The following FOXN2 variants were observed in gnomAD, a reference collection of about 807,000 sequenced individuals.
FOXN2 encodes forkhead box N2.
Under a neutral mutation model 41.2 loss-of-function variants are expected in FOXN2, and 19 were observed. The ratio of observed to expected loss-of-function variants is 0.46; its 90% CI spans 0.32 to 0.68. FOXN2 has a LOEUF of 0.68. Ranked by LOEUF, FOXN2 falls within the 30% of genes least tolerant of loss-of-function variation. The pLI, the probability that FOXN2 is intolerant of heterozygous loss-of-function variation, is 0.03. For synonymous variants in FOXN2, 195 were observed against 176.8 expected, an observed-to-expected ratio of 1.10 and a Z score of -0.82; for missense variants, 587 against 509.4, an observed-to-expected ratio of 1.15 and a Z score of -1.47.
chr2:48,352,064 G>GT (rs1191247188), intron 3 of FOXN2, among the ~76,000 whole-genome samples: 1 of 152,122 alleles, frequency 6.6e-6, no homozygotes, highest in African/African-American at 2.4e-5. Flanking sequence ...GGCTTCAGTT[G>GT]TTTGGACTTC....
At chr2:48,314,237 C>A (rs1400216270), upstream of FOXN2, among the ~76,000 whole-genome samples, 1 of 152,260 alleles carries the variant, frequency 6.6e-6, no homozygotes, top group Non-Finnish European at 1.5e-5. Flanking sequence ...TACTGCCCTG[C>A]GGCAGCCTAG....
At chr2:48,338,547 G>A (rs968196572) in intron 2 of FOXN2, among the ~76,000 whole-genome samples, 3 of 151,902 alleles carry the variant, frequency 2.0e-5, no homozygotes, top group Admixed American at 6.6e-5. Context: ...GACCACAGCC[G>A]CTCGCCACCA....
chr2:48,363,397 A>G (rs906106328), intron 5 of FOXN2, among the ~76,000 whole-genome samples: 2 of 152,170 alleles, frequency 1.3e-5, no homozygotes, highest in Admixed American at 6.5e-5. Context: ...TTTATAAAGT[A>G]AAAGTTTACA....
chr2:48,348,561 A>C (rs1671257562), intron 3 of FOXN2, among the ~76,000 whole-genome samples: 1 of 152,230 alleles, frequency 6.6e-6, no homozygotes, highest in South Asian at 2.1e-4. Flanking sequence ...CAGACATTGC[A>C]AAAGAATGGC....
intron 2 of FOXN2, among the ~76,000 whole-genome samples, chr2:48,329,580 A>G (rs749665702): frequency 6.6e-6 from 1 of 152,122 alleles, no homozygotes; most frequent in Non-Finnish European, 1.5e-5. Context: ...ATGCTGTGTC[A>G]CCTAAATCTG....
chr2:48,368,559 G>A (rs1430920872), intron 5 of FOXN2, among the ~76,000 whole-genome samples: 1 of 152,138 alleles, frequency 6.6e-6, no homozygotes, highest in Non-Finnish European at 1.5e-5. Context: ...GGGCGTGGTG[G>A]TACACACCTG....
intron 3 of FOXN2, among the ~76,000 whole-genome samples, chr2:48,355,189 G>T (rs568437311): frequency 1.3e-5 from 2 of 152,264 alleles, no homozygotes; most frequent in East Asian, 3.9e-4. Context: ...ACTCAAAAGG[G>T]AGTTGGTCAC....
intron 5 of FOXN2, among the ~76,000 whole-genome samples, chr2:48,372,809 A>G (rs1672995109): frequency 1.3e-5 from 2 of 152,086 alleles, no homozygotes; most frequent in South Asian, 2.1e-4. Context: ...ATAGGTTTAC[A>G]TGACCTAGAC....
Position 48,346,275 on chromosome 2 carries a change from A to T in FOXN2, c.61A>T (p.Ile21Phe), listed in dbSNP as rs999038279. 13 of 1,614,044 alleles carry T rather than the reference A, an allele frequency of 8.1e-6. No homozygotes were observed. The highest frequency in any genetic ancestry group is 1.3e-5 in the African/African-American group (1 of 74,922). ...AGCTGAAACCCCAGGAGCTGAAAAG[A>T]TTGCAGGATTAAGCCAGATTTACAA... ...KRAETPGAEK[I>F]AGLSQIYKMG... Residue 21 changes from isoleucine (I) to phenylalanine (F), a missense_variant, in exon 3 of 7, where the codon ATT (isoleucine) becomes TTT (phenylalanine). Ile to Phe is a conservative substitution (Grantham distance 21). Transcript: ENST00000340553.
At chr2:48,351,763 G>C (rs1671465035) in intron 3 of FOXN2, among the ~76,000 whole-genome samples, 1 of 152,126 alleles carries the variant, frequency 6.6e-6, no homozygotes, top group African/African-American at 2.4e-5. Context: ...TCTGTGACCT[G>C]TTTCCTAAGA....
rs1047807071 is a variant in FOXN2 at position 48,376,094 on chromosome 2, A to G, written c.*651A>G. 2 of 152,136 alleles carry G rather than the reference A, an allele frequency of 1.3e-5. No homozygotes were observed. Among genetic ancestry groups the G allele is most frequent in the African/African-American group, 4.8e-5 (2 of 41,432 alleles). 9.4% of individuals were successfully genotyped at this position (152,136 alleles called of 1,614,324 possible). A position where few individuals can be genotyped will look rare whatever the true frequency, so the allele number is the denominator to read the frequency against. On this transcript the variant is annotated 3_prime_UTR_variant, in exon 7 of 7. Coordinates refer to ENST00000340553, the MANE Select transcript of FOXN2 (RefSeq NM_002158.4). Reference sequence around the variant, plus strand: ...TTGTGGTGTCATTTCATCCAAGAACACTCCCAATTCCTATTAGAATGGTAG... The same window carrying G: ...TTGTGGTGTCATTTCATCCAAGAACGCTCCCAATTCCTATTAGAATGGTAG...
At chr2:48,321,261 C>CACAGTG (rs1669296410) in intron 1 of FOXN2, among the ~76,000 whole-genome samples, 1 of 152,050 alleles carries the variant, frequency 6.6e-6, no homozygotes, top group African/African-American at 2.4e-5. Flanking sequence ...CTAGGCTGGG[C>CACAGTG]ACAGTGGCTC....
chr2:48,359,686 T>A (rs911882122), intron 4 of FOXN2, among the ~76,000 whole-genome samples: 1 of 152,136 alleles, frequency 6.6e-6, no homozygotes, highest in Admixed American at 6.5e-5. Context: ...TGGTCTAATT[T>A]GTGTTTCTAG....
At chr2:48,325,100 TTTTG>T (rs903677280) in intron 1 of FOXN2, among the ~76,000 whole-genome samples, 4 of 152,166 alleles carry the variant, frequency 2.6e-5, no homozygotes, top group African/African-American at 4.8e-5. Context: ...AGTTATTGAT[TTTTG>T]TTTGTTTGTT....
rs776081034 is a variant in FOXN2, at chr2:48,373,318, A to G, written c.730A>G (p.Met244Val). The G allele has an allele frequency of 4.4e-6, 7 of 1,593,076 alleles. No homozygotes were observed. Among genetic ancestry groups the G allele is most frequent in the Non-Finnish European group, 3.4e-6 (4 of 1,170,834 alleles). The stretch of plus-strand genomic sequence containing the variant: ...ATCTGATATTGATGCTGCTGCTGCA[A>G]TGATGCTTTTAAATACTTCTATAGA... Reference protein sequence around the residue: ...KESDIDAAAAMMLLNTSIEQG... With the variant: ...KESDIDAAAAVMLLNTSIEQG... The change falls in exon 6 of 7, where the codon ATG becomes GTG. Residue 244 changes from methionine (M) to valine (V), a missense_variant. By Grantham distance (21) the Met-to-Val change is conservative (BLOSUM62 1). Transcript: ENST00000340553.
At position 48,375,156 on chromosome 2, in the gene FOXN2, A is replaced by G. The variant is rs1280104847; in HGVS notation, c.1009A>G (p.Ser337Gly). 1 of 1,614,058 alleles carries G rather than the reference A, an allele frequency of 6.2e-7. No homozygotes were observed. Among genetic ancestry groups the G allele is most frequent in the Admixed American group, 1.7e-5 (1 of 59,990 alleles). The change falls in exon 7 of 7, where the codon AGT becomes GGT. Residue 337 changes from serine (S) to glycine (G), a missense_variant. Coordinates refer to ENST00000340553, the MANE Select transcript of FOXN2 (RefSeq NM_002158.4). ...GGTATATGAATTTATCCCAAAGAAT[A>G]GTCACGTGGGAAGTGATGGCAGTGA... ...DEVYEFIPKN[S>G]HVGSDGSEGF... is the part of the protein sequence containing the mutation.
chr2:48,325,844 C>CT (rs959535701), intron 1 of FOXN2, among the ~76,000 whole-genome samples: 19,640 of 102,920 alleles, frequency 0.19, 2,112 homozygotes, highest in Non-Finnish European at 0.24. Context: ...CTCAAGATTT[C>CT]TTTTTTTTTT....
rs777863473 is a variant in FOXN2 at position 48,359,173 on chromosome 2, G to A, written c.638+26G>A. 6 of 1,534,056 alleles carry A rather than the reference G, an allele frequency of 3.9e-6. 1 individual carries two copies. In the South Asian group the frequency reaches 4.5e-5, roughly 11 times the overall value. On this transcript the variant is annotated intron_variant, in intron 4 of 6. Coordinates refer to ENST00000340553, the MANE Select transcript of FOXN2 (RefSeq NM_002158.4). ...GTAAGGATCTTCCATATAACTGTCAGTGGTGATTTATAGGATTTCACTGTG... is the reference window on the plus strand; with the variant it reads ...GTAAGGATCTTCCATATAACTGTCAATGGTGATTTATAGGATTTCACTGTG...
At chr2:48,356,841 T>G (rs1457194831) in intron 3 of FOXN2, among the ~76,000 whole-genome samples, 1 of 152,216 alleles carries the variant, frequency 6.6e-6, no homozygotes, top group Non-Finnish European at 1.5e-5. Context: ...TTCAAAACCT[T>G]TAGCAGTTCT....
Sources: allele counts gnomAD v4.1 joint callset (sites outside exome capture counted in the v4.1 genomes callset), GRCh38; gene constraint gnomAD v4.1.1; transcripts MANE v1.5; gene names NCBI Gene and HGNC (gene_info 2026-07-23, HGNC 2026-07-21).